PLXDC2: variants seen among roughly 807,000 people sequenced by gnomAD.
PLXDC2 encodes plexin domain-containing protein 2.
A neutral mutation model predicts 68.9 loss-of-function variants in PLXDC2; 40 were observed. The observed-to-expected ratio is 0.58, with a 90% CI of 0.45 to 0.76. The LOEUF (loss-of-function observed/expected upper bound fraction) is 0.76. PLXDC2 is among the 30% of genes least tolerant of loss of function. The pLI is 0.00. For synonymous variants in PLXDC2, 243 were observed against 234.2 expected (o/e 1.04, Z -0.34); for missense variants, 644 against 661.9 (o/e 0.97, Z 0.30).
At chr10:19,855,088 T>C (rs1837188222) in intron 1 of PLXDC2, among the ~76,000 whole-genome samples, 1 of 152,214 alleles carries the variant, frequency 6.6e-6, no homozygotes, top group African/African-American at 2.4e-5. Flanking sequence ...TATTTATAAA[T>C]ATATCCAACA....
chr10:20,012,104 G>A (rs1345105076), intron 2 of PLXDC2, among the ~76,000 whole-genome samples: 6 of 152,026 alleles, frequency 3.9e-5, no homozygotes, highest in Admixed American at 6.6e-5. Context: ...TAGACACATC[G>A]ATAGGCCATT....
At chr10:20,013,651 T>G (rs1287888369) in intron 2 of PLXDC2, among the ~76,000 whole-genome samples, 1 of 152,222 alleles carries the variant, frequency 6.6e-6, no homozygotes, top group Non-Finnish European at 1.5e-5. Flanking sequence ...TTCTATGCTC[T>G]GAAAATGTTT....
At chr10:20,273,633 T>C (rs944213461) in intron 13 of PLXDC2, among the ~76,000 whole-genome samples, 2 of 152,124 alleles carry the variant, frequency 1.3e-5, no homozygotes, top group African/African-American at 4.8e-5. Context: ...GTGAAAACAA[T>C]GTGACAAGAG....
At chr10:19,868,145 G>T (rs575865351) in intron 1 of PLXDC2, among the ~76,000 whole-genome samples, 1 of 152,042 alleles carries the variant, frequency 6.6e-6, no homozygotes, top group Non-Finnish European at 1.5e-5. Flanking sequence ...GGGTTTGGGG[G>T]TACATGTGGA....
intron 1 of PLXDC2, among the ~76,000 whole-genome samples, chr10:19,955,634 CACAT>C (rs1834057158): frequency 1.3e-5 from 2 of 151,904 alleles, no homozygotes; most frequent in African/African-American, 4.8e-5. Flanking sequence ...ATACGTAAAA[CACAT>C]ACACAATACC....
chr10:20,120,833 T>G (rs566979957), intron 4 of PLXDC2, among the ~76,000 whole-genome samples: 1 of 152,202 alleles, frequency 6.6e-6, no homozygotes, highest in African/African-American at 2.4e-5. Flanking sequence ...AAATGAAAGG[T>G]TCTAAGAGGC....
At chr10:20,169,394 A>G (rs1399456653) in intron 7 of PLXDC2, among the ~76,000 whole-genome samples, 1 of 152,168 alleles carries the variant, frequency 6.6e-6, no homozygotes. Context: ...AGAAAGTTTT[A>G]ACACCGTCAT....
intron 4 of PLXDC2, among the ~76,000 whole-genome samples, chr10:20,106,478 GATATCCCT>G (rs1400912866): frequency 6.6e-6 from 1 of 152,168 alleles, no homozygotes; most frequent in Non-Finnish European, 1.5e-5. Context: ...TCTGGCCTGT[GATATCCCT>G]TGAGATGGTC....
chr10:19,830,662 T>C (rs189969223), intron 1 of PLXDC2, among the ~76,000 whole-genome samples: 137 of 150,814 alleles, frequency 9.1e-4, no homozygotes, highest in Non-Finnish European at 1.3e-3. Flanking sequence ...GTCTCAAAAG[T>C]GGCCATGCAG....
intron 4 of PLXDC2, among the ~76,000 whole-genome samples, chr10:20,073,258 C>G (rs1001081580): frequency 1.1e-4 from 17 of 152,158 alleles, no homozygotes; most frequent in Non-Finnish European, 1.5e-5. Context: ...CTTCATCTTA[C>G]TTCATTGTTT....
At chr10:19,856,359 CACACAA>C (rs1351447104) in intron 1 of PLXDC2, among the ~76,000 whole-genome samples, 1 of 141,418 alleles carries the variant, frequency 7.1e-6, no homozygotes, top group East Asian at 2.1e-4. Flanking sequence ...GCTTTATACA[CACACAA>C]ACACACACAC....
At chr10:19,829,872 A>G (rs1300402794) in intron 1 of PLXDC2, among the ~76,000 whole-genome samples, 2 of 152,238 alleles carry the variant, frequency 1.3e-5, no homozygotes, top group Non-Finnish European at 1.5e-5. Flanking sequence ...CCAGTCATAT[A>G]CTAAGCTAGC....
intron 1 of PLXDC2, among the ~76,000 whole-genome samples, chr10:19,891,427 TC>T (rs1162241414): frequency 6.6e-6 from 1 of 152,214 alleles, no homozygotes; most frequent in Non-Finnish European, 1.5e-5. Context: ...TCCACAATCT[TC>T]CGTAATTACC....
intron 3 of PLXDC2, among the ~76,000 whole-genome samples, chr10:20,056,052 T>C (rs1261219854): frequency 6.6e-6 from 1 of 152,150 alleles, no homozygotes; most frequent in Non-Finnish European, 1.5e-5. Context: ...TTATTACAAC[T>C]ATGAGACCTT....
intron 1 of PLXDC2, among the ~76,000 whole-genome samples, chr10:19,870,350 T>C (rs575985909): frequency 2.6e-5 from 4 of 152,332 alleles, no homozygotes; most frequent in African/African-American, 7.2e-5. Context: ...TGAAATAATG[T>C]ATGAAAAATG....
intron 12 of PLXDC2, among the ~76,000 whole-genome samples, chr10:20,224,904 T>C (rs191373269): frequency 1.7e-4 from 26 of 152,324 alleles, no homozygotes; most frequent in Admixed American, 9.1e-4. Flanking sequence ...AGCATTTTTA[T>C]CATTTCTTCT....
chr10:20,126,185 TA>T (rs1199795677), intron 4 of PLXDC2, among the ~76,000 whole-genome samples: 1 of 146,494 alleles, frequency 6.8e-6, no homozygotes, highest in Non-Finnish European at 1.5e-5. Context: ...ATATGTTATA[TA>T]ATACATATAT....
chr10:19,892,943 C>G (rs1024541183), intron 1 of PLXDC2, among the ~76,000 whole-genome samples: 1 of 145,304 alleles, frequency 6.9e-6, no homozygotes, highest in Non-Finnish European at 1.5e-5. Context: ...TTTTTTGCCA[C>G]TGTTACAATT....
intron 1 of PLXDC2, among the ~76,000 whole-genome samples, chr10:19,985,683 A>T (rs1834624235): frequency 6.6e-6 from 1 of 152,232 alleles, no homozygotes; most frequent in Non-Finnish European, 1.5e-5. Context: ...TATCTTCAGA[A>T]TAAAAGCATT....
Sources: gnomAD v4.1 joint callset for allele counts (sites outside exome capture counted in the v4.1 genomes callset) on GRCh38, gnomAD v4.1.1 for gene constraint, MANE v1.5 for transcripts, NCBI Gene and HGNC (gene_info 2026-07-23, HGNC 2026-07-21) for gene names.